STAT5B: variants seen among roughly 807,000 people sequenced by gnomAD.
STAT5B encodes the protein transcription factor STAT5B.
STAT5B carries 21 observed loss-of-function variants against 107.8 expected under a neutral mutation model. That is an observed-to-expected ratio of 0.19 (90% CI 0.14 to 0.28). STAT5B has a LOEUF of 0.28. STAT5B is among the 10% of genes least tolerant of loss of function. STAT5B has a pLI of 1.00. For synonymous variants in STAT5B, 325 were observed against 401.7 expected, an observed-to-expected ratio of 0.81 and a Z score of 2.28; for missense variants, 565 against 1,008.2, an observed-to-expected ratio of 0.56 and a Z score of 5.95.
rs753163911 is a variant in STAT5B, at chr17:42,202,771, C to T, written c.2115G>A (p.Lys705=). ...AVDGYVKPQI[K]QVVPEFVNAS... Reference sequence around the variant, plus strand: ...TGGACACTTACTCAGGGACCACTTGCTTGATCTGTGGCTTCACGTATCCAT... The same window carrying T: ...TGGACACTTACTCAGGGACCACTTGTTTGATCTGTGGCTTCACGTATCCAT... The change falls in exon 17 of 19, where the codon AAG becomes AAA. Residue 705 remains lysine, a synonymous_variant. Coordinates refer to ENST00000293328, the MANE Select transcript of STAT5B (RefSeq NM_012448.4). The T allele has an allele frequency of 2.9e-5, 47 of 1,614,152 alleles. No individual in the cohort carries two copies. Among genetic ancestry groups the T allele is most frequent in the Non-Finnish European group, 3.7e-5 (44 of 1,180,034 alleles).
chr17:42,286,206 C>A, the STAT5B span, among the ~76,000 whole-genome samples: 3 of 130,140 alleles, frequency 2.3e-5, no homozygotes, highest in African/African-American at 9.0e-5. Context: ...GCACTCCAGT[C>A]TGGGCAACGA....
At chr17:42,280,760 T>G (rs1332728073), upstream of STAT5B, among the ~76,000 whole-genome samples, 1 of 152,088 alleles carries the variant, frequency 6.6e-6, no homozygotes. Context: ...TTCGGAGGGC[T>G]CTGTCAGTGC....
intron 18 of STAT5B, 27 bp downstream of exon 18, chr17:42,202,313 G>C: frequency 6.2e-7 from 1 of 1,613,636 alleles, no homozygotes; most frequent in Non-Finnish European, 8.5e-7. Context: ...TTCCTCCCCT[G>C]TGGACCCCCA....
chr17:42,250,041 C>A (rs2080485191), intron 1 of STAT5B, among the ~76,000 whole-genome samples: 2 of 152,042 alleles, frequency 1.3e-5, no homozygotes, highest in African/African-American at 2.4e-5. Context: ...AAAATTAGAC[C>A]CTTTTGAGTA....
chr17:42,221,533 G>T (rs940432516), intron 5 of STAT5B, among the ~76,000 whole-genome samples: 1 of 152,142 alleles, frequency 6.6e-6, no homozygotes, highest in African/African-American at 2.4e-5. Context: ...AACCTAATCC[G>T]CCACCATGCA....
rs1235047382 is a variant in STAT5B, at chr17:42,232,092, TC to T, written c.35del (p.Gly12GlufsTer35). 6.2e-7 allele frequency: 1 copy of T among 1,614,050 alleles called. No individual in the cohort carries two copies. The highest frequency in any genetic ancestry group is 1.1e-5 in the South Asian group (1 of 91,088). ...AVWIQAQQLQ[G>X]EALHQMQALY... ...ACGCTTGCATCTGATGAAGGGCTTC[TC>T]CTTGGAGCTGCTGAGCTTGTATCCA... On this transcript the variant is annotated frameshift_variant, in exon 2 of 19. Transcript: ENST00000293328. LOFTEE classifies it high-confidence loss of function.
At chr17:42,283,700 T>TC in the STAT5B span, among the ~76,000 whole-genome samples, 1 of 152,176 alleles carries the variant, frequency 6.6e-6, no homozygotes, top group Non-Finnish European at 1.5e-5. Context: ...GGCAGCTCCT[T>TC]CCCTTCCCCC....
At chr17:42,211,034 C>G (rs928486526) in intron 13 of STAT5B, among the ~76,000 whole-genome samples, 2 of 151,624 alleles carry the variant, frequency 1.3e-5, no homozygotes, top group African/African-American at 4.9e-5. Flanking sequence ...AACCCCGTCT[C>G]TACTAAAAAT....
intron 7 of STAT5B, among the ~76,000 whole-genome samples, 171 bp from the exon 8 acceptor site, chr17:42,219,049 G>A (rs1273652077): frequency 2.6e-5 from 4 of 152,044 alleles, no homozygotes; most frequent in Admixed American, 6.5e-5. Flanking sequence ...TACACAGGAG[G>A]GGCGACCCTG....
the STAT5B span, among the ~76,000 whole-genome samples, chr17:42,283,489 G>A: frequency 6.6e-6 from 1 of 152,192 alleles, no homozygotes; most frequent in African/African-American, 2.4e-5. Context: ...TGGGCAGCTG[G>A]GCAGAGGAAG....
At chr17:42,219,091 C>A (rs2080200254) in intron 7 of STAT5B, among the ~76,000 whole-genome samples, 3 of 152,172 alleles carry the variant, frequency 2.0e-5, no homozygotes, top group African/African-American at 4.8e-5. Flanking sequence ...CATCACCCCA[C>A]ACACCCGAAC....
In STAT5B at chr17:42,201,803, G is replaced by A. The variant is rs1177305205; in HGVS notation, c.2299C>T (p.Arg767Trp). The change falls in exon 19 of 19, where the codon CGG (arginine) becomes TGG (tryptophan). Residue 767 changes from arginine to tryptophan, a missense_variant. Arg to Trp is a moderately radical substitution (Grantham distance 101). Around this residue, in one of 11 missense-constraint regions of STAT5B, gnomAD observed 76 missense variants for 110.2 expected, o/e 0.69. Transcript: ENST00000293328. The part of the protein sequence containing the change: ...FDLEDTMDVA[R>W]RVEELLGRPM... The stretch of plus-strand genomic sequence containing the variant: ...CGGCCCAGGAGCTCCTCCACACGCC[G>A]CGCTACGTCCATTGTGTCCTCCAGA... 1 of 1,614,084 alleles carries A rather than the reference G, an allele frequency of 6.2e-7. No homozygotes were observed. The highest frequency in any genetic ancestry group is 8.5e-7 in the Non-Finnish European group (1 of 1,180,014).
chr17:42,219,743 C>T lies in STAT5B; in HGVS notation c.650G>A (p.Arg217His), dbSNP rs200900246. ...GTACTGCTGCAGTGTCTGTGCCTCACGCTGCAACCAGGCCTCCAGAGACAC... is the reference window on the plus strand; with the variant it reads ...GTACTGCTGCAGTGTCTGTGCCTCATGCTGCAACCAGGCCTCCAGAGACAC... Reference protein sequence around the residue: ...KQVSLEAWLQREAQTLQQYRV... With the variant: ...KQVSLEAWLQHEAQTLQQYRV... Residue 217 changes from arginine (R) to histidine (H), a missense_variant, in exon 6 of 19, where the codon CGT (arginine) becomes CAT (histidine). By Grantham distance (29) the Arg-to-His change is conservative. Coordinates refer to ENST00000293328, the MANE Select transcript of STAT5B (RefSeq NM_012448.4). 6.2e-6 allele frequency: 10 copies of T among 1,608,656 alleles called. No homozygotes were observed. Among genetic ancestry groups the T allele is most frequent in the Admixed American group, 1.7e-5 (1 of 59,070 alleles).
Position 42,232,090 on chromosome 17 carries a change from TCTC to T in STAT5B, c.35_37del (p.Gly12del). ...TAACGCTTGCATCTGATGAAGGGCT[TCTC>T]CTTGGAGCTGCTGAGCTTGTATCCA... On this transcript the variant is annotated inframe_deletion, in exon 2 of 19. Coordinates refer to ENST00000293328, the MANE Select transcript of STAT5B (RefSeq NM_012448.4). 6.2e-7 allele frequency: 1 copy of T among 1,614,030 alleles called. No individual in the cohort carries two copies.
chr17:42,227,701 T>C lies in STAT5B; in HGVS notation c.129-16A>G. On this transcript the variant is annotated splice_polypyrimidine_tract_variant and intron_variant, in intron 2 of 18. Transcript: ENST00000293328. Reference sequence around the variant, plus strand: ...TACTGAGTCCCTAGGGGAAAAAAATTACATAATCTGTATACATACATGCAC... The same window carrying C: ...TACTGAGTCCCTAGGGGAAAAAAATCACATAATCTGTATACATACATGCAC... 6.2e-7 allele frequency: 1 copy of C among 1,613,766 alleles called. No individual in the cohort carries two copies. Among genetic ancestry groups the C allele is most frequent in the Non-Finnish European group, 8.5e-7 (1 of 1,179,876 alleles).
At chr17:42,254,117 C>A (rs983425777) in intron 1 of STAT5B, among the ~76,000 whole-genome samples, 1 of 152,096 alleles carries the variant, frequency 6.6e-6, no homozygotes, top group African/African-American at 2.4e-5. Context: ...AAGGAGTCCA[C>A]AACATCCCAG....
intron 16 of STAT5B, among the ~76,000 whole-genome samples, chr17:42,205,576 T>C (rs1393457148): frequency 2.0e-5 from 3 of 152,158 alleles, no homozygotes; most frequent in South Asian, 2.1e-4. Flanking sequence ...CTCTAGATCT[T>C]TGTATGGCTA....
intron 1 of STAT5B, among the ~76,000 whole-genome samples, chr17:42,257,470 T>C (rs745498683): frequency 3.9e-5 from 6 of 152,224 alleles, no homozygotes; most frequent in Non-Finnish European, 8.8e-5. Flanking sequence ...TGAAAGCCTA[T>C]CATCTTTATG....
At chr17:42,225,543 G>C (rs749688171) in intron 3 of STAT5B, among the ~76,000 whole-genome samples, 2 of 152,032 alleles carry the variant, frequency 1.3e-5, no homozygotes, top group Non-Finnish European at 2.9e-5. Context: ...TGGCATCTGT[G>C]GGGGCTGGTT....
Sources: allele counts gnomAD v4.1 joint callset (sites outside exome capture counted in the v4.1 genomes callset), GRCh38; gene constraint gnomAD v4.1.1; regional missense constraint gnomAD v4.1.1; transcripts MANE v1.5; gene names NCBI Gene and HGNC (gene_info 2026-07-23, HGNC 2026-07-21).